The following FAT3 variants were observed in gnomAD, a reference collection of about 807,000 sequenced individuals.
FAT3 encodes the protein protocadherin Fat 3.
A neutral mutation model predicts 310.2 loss-of-function variants in FAT3; 95 were observed. The observed-to-expected ratio is 0.31, with a 90% CI of 0.26 to 0.36. FAT3 has a LOEUF of 0.36. FAT3 is among the 10% of genes least tolerant of loss of function. The pLI is 1.00. For missense variants in FAT3, 5,408 were observed against 5,715.6 expected, an observed-to-expected ratio of 0.95 and a Z score of 1.74; for synonymous variants, 2,314 against 2,192.9, an observed-to-expected ratio of 1.06 and a Z score of -1.54.
chr11:92,705,644 T>TGTTGG (rs145584143), intron 4 of FAT3, among the ~76,000 whole-genome samples: 5 of 124 alleles, frequency 0.04, 1 homozygote, highest in African/African-American at 0.079. Context: ...GTGATGGTGG[T>TGTTGG]TGGTGGTGTG....
At chr11:92,535,874 A>G (rs904482470) in intron 3 of FAT3, among the ~76,000 whole-genome samples, 1 of 151,582 alleles carries the variant, frequency 6.6e-6, no homozygotes, top group Non-Finnish European at 1.5e-5. Flanking sequence ...ATTGACTGGC[A>G]TTCAGTGTGC....
At chr11:92,628,461 T>C (rs890704776) in intron 3 of FAT3, among the ~76,000 whole-genome samples, 6 of 144,674 alleles carry the variant, frequency 4.1e-5, no homozygotes, top group African/African-American at 1.6e-4. Flanking sequence ...TATGATAATA[T>C]GTGATGACTG....
At chr11:92,291,402 A>G (rs1048253392) in intron 1 of FAT3, among the ~76,000 whole-genome samples, 1 of 152,184 alleles carries the variant, frequency 6.6e-6, no homozygotes, top group African/African-American at 2.4e-5. Context: ...TAAGAATGTT[A>G]TAGATCACAT....
intron 1 of FAT3, among the ~76,000 whole-genome samples, chr11:92,315,112 G>A (rs1309264567): frequency 4.6e-5 from 7 of 151,654 alleles, no homozygotes; most frequent in African/African-American, 7.3e-5. Flanking sequence ...TTGGCAAGGA[G>A]AATAAAAATG....
chr11:92,446,960 C>G (rs962234006), intron 2 of FAT3, among the ~76,000 whole-genome samples: 2 of 152,120 alleles, frequency 1.3e-5, no homozygotes, highest in Admixed American at 1.3e-4. Flanking sequence ...GTATTTCCAA[C>G]ACTGTCTACC....
intron 3 of FAT3, among the ~76,000 whole-genome samples, chr11:92,677,490 C>G (rs1943325461): frequency 6.6e-6 from 1 of 152,240 alleles, no homozygotes; most frequent in Non-Finnish European, 1.5e-5. Flanking sequence ...TTACATCCAT[C>G]TCCCTGGAAT....
intron 18 of FAT3, among the ~76,000 whole-genome samples, chr11:92,843,117 A>G (rs553928809): frequency 6.6e-6 from 1 of 151,836 alleles, no homozygotes; most frequent in East Asian, 1.9e-4. Context: ...TGGGTGACAG[A>G]GACAAGATTC....
At chr11:92,750,640 C>G (rs547960571) in intron 4 of FAT3, among the ~76,000 whole-genome samples, 1 of 151,090 alleles carries the variant, frequency 6.6e-6, no homozygotes, top group Non-Finnish European at 1.5e-5. Flanking sequence ...GCTGTTCTCT[C>G]TCTCTCTCTC....
intron 1 of FAT3, among the ~76,000 whole-genome samples, chr11:92,339,091 C>G (rs1948170277): frequency 6.6e-6 from 1 of 152,160 alleles, no homozygotes; most frequent in Non-Finnish European, 1.5e-5. Context: ...ATCATTGGCT[C>G]TATCCTTCCC....
At chr11:92,646,286 A>C in intron 3 of FAT3, among the ~76,000 whole-genome samples, 1 of 152,340 alleles carries the variant, frequency 6.6e-6, no homozygotes, top group South Asian at 2.1e-4. Flanking sequence ...AAGTACCTGC[A>C]TGTGGCTTTT....
intron 4 of FAT3, among the ~76,000 whole-genome samples, chr11:92,719,279 G>T (rs1402198939): frequency 6.6e-6 from 1 of 152,120 alleles, no homozygotes; most frequent in Non-Finnish European, 1.5e-5. Flanking sequence ...GAAGGAAACT[G>T]TTGTGTTAAA....
At chr11:92,267,980 T>C (rs1946015500) in intron 1 of FAT3, among the ~76,000 whole-genome samples, 1 of 151,890 alleles carries the variant, frequency 6.6e-6, no homozygotes, top group African/African-American at 2.4e-5. Context: ...TTTTTCTTCC[T>C]TCAGTGTACA....
chr11:92,528,388 G>A (rs1032503707), intron 3 of FAT3, among the ~76,000 whole-genome samples: 2 of 152,136 alleles, frequency 1.3e-5, no homozygotes, highest in East Asian at 3.9e-4. Flanking sequence ...GCCTCTTTGG[G>A]TGAGCAGGAA....
chr11:92,385,526 C>A (rs1949597062), intron 2 of FAT3, among the ~76,000 whole-genome samples: 1 of 152,048 alleles, frequency 6.6e-6, no homozygotes, highest in Non-Finnish European at 1.5e-5. Flanking sequence ...TACCACCACA[C>A]CCAGCTAATT....
chr11:92,830,109 C>T (rs767321155), intron 13 of FAT3, among the ~76,000 whole-genome samples: 1 of 152,118 alleles, frequency 6.6e-6, no homozygotes, highest in Non-Finnish European at 1.5e-5. Flanking sequence ...TGACTAATGA[C>T]CGTCTTCTTT....
chr11:92,877,433 T>TC (rs1949558849), intron 22 of FAT3, among the ~76,000 whole-genome samples: 1 of 152,162 alleles, frequency 6.6e-6, no homozygotes, highest in Admixed American at 6.5e-5. Context: ...ATGCAGGGTC[T>TC]CAGGACTGGA....
At position 92,801,504 on chromosome 11, in the gene FAT3, A is replaced by T; in HGVS notation, c.8491A>T (p.Thr2831Ser). ...TATAATGGAAGGGATGCCTGTTGGC[A>T]CCAAACTCACACAAGTGAGAGCTAT... ...TIIMEGMPVG[T>S]KLTQVRAIDM... The change falls in exon 10 of 28, where the codon ACC becomes TCC. Residue 2831 changes from threonine to serine, a missense_variant. Thr to Ser is a moderately conservative substitution (Grantham distance 58). Around this residue, in one of 5 missense-constraint regions of FAT3, gnomAD observed 4,588 missense variants for 4,809.8 expected, o/e 0.95. Transcript: ENST00000525166. 1 of 1,611,878 alleles carries T rather than the reference A, an allele frequency of 6.2e-7. No individual in the cohort carries two copies. The highest frequency in any genetic ancestry group is 8.5e-7 in the Non-Finnish European group (1 of 1,178,880).
At position 92,886,896 on chromosome 11, in the gene FAT3, G is replaced by A; in HGVS notation, c.12938-104G>A. 1.5e-5 allele frequency: 13 copies of A among 863,660 alleles called. 1 individual carries two copies. Among genetic ancestry groups the A allele is most frequent in the Non-Finnish European group, 2.4e-5 (13 of 550,304 alleles). The allele number at this position is 863,660 out of a possible 1,614,324, so 53.5% of individuals were successfully genotyped here. A position where few individuals can be genotyped will look rare whatever the true frequency, so the allele number is the denominator to read the frequency against. ...GCTAAATTATTTTCTCTAAGCAAAT[G>A]AAAGTGCCTCGAGAAGTGAACTAGC... is the stretch of plus-strand genomic sequence containing the variant. On this transcript the variant is annotated intron_variant, in intron 24 of 27. Transcript: ENST00000525166.
At chr11:92,299,196 T>C (rs144330835) in intron 1 of FAT3, among the ~76,000 whole-genome samples, 1 of 152,164 alleles carries the variant, frequency 6.6e-6, no homozygotes, top group African/African-American at 2.4e-5. Flanking sequence ...GGGTACAAGA[T>C]GGATTAATCA....
Sources: gnomAD v4.1 joint callset for allele counts (sites outside exome capture counted in the v4.1 genomes callset) on GRCh38, gnomAD v4.1.1 for gene constraint, gnomAD v4.1.1 regional missense constraint, MANE v1.5 for transcripts, NCBI Gene and HGNC (gene_info 2026-07-23, HGNC 2026-07-21) for gene names.